SBNO2: variants seen among roughly 807,000 people sequenced by gnomAD.
SBNO2 encodes the protein strawberry notch homolog 2.
A neutral mutation model predicts 146.3 loss-of-function variants in SBNO2; 89 were observed. The ratio of observed to expected loss-of-function variants is 0.61; its 90% CI spans 0.51 to 0.73. SBNO2 has a LOEUF of 0.73. SBNO2 is among the 30% of genes least tolerant of loss of function. SBNO2 has a pLI of 0.00. For missense variants in SBNO2, 2,092 were observed against 2,003.7 expected (o/e 1.04, Z -0.84); for synonymous variants, 1,147 against 892.6 (o/e 1.29, Z -5.08).
intron 2 of SBNO2, among the ~76,000 whole-genome samples, chr19:1,149,816 G>A (rs2145304661): frequency 6.6e-6 from 1 of 152,344 alleles, no homozygotes; most frequent in East Asian, 1.9e-4. Flanking sequence ...ATTCTAGGAG[G>A]TGGAGGATCG....
chr19:1,122,779 G>T lies in SBNO2; in HGVS notation c.793C>A (p.Leu265Met), dbSNP rs1187706512. 5 of 1,537,992 alleles carry T rather than the reference G, an allele frequency of 3.3e-6. No individual in the cohort carries two copies. The highest frequency in any genetic ancestry group is 4.4e-6 in the Non-Finnish European group (5 of 1,146,406). ...CCCGCGCGCTGCCCGCTGGGGAGCA[G>T]GACCTCGTGTTGCTGTTGCCGGAGA... ...ITYACQQHEV[L>M]LPSGQRAGFL... Residue 265 changes from leucine to methionine, a missense_variant, in exon 9 of 32, where the codon CTG becomes ATG. Coordinates refer to ENST00000361757, the MANE Select transcript of SBNO2 (RefSeq NM_014963.3).
intron 4 of SBNO2, among the ~76,000 whole-genome samples, chr19:1,143,258 G>A (rs543448367): frequency 1.4e-3 from 209 of 152,258 alleles, no homozygotes; most frequent in Non-Finnish European, 2.4e-3. Flanking sequence ...CAGGAGAATC[G>A]CTTGAGCCCA....
At chr19:1,125,731 C>T (rs1206620883) in intron 5 of SBNO2, among the ~76,000 whole-genome samples, 2 of 151,464 alleles carry the variant, frequency 1.3e-5, no homozygotes, top group African/African-American at 2.4e-5. Flanking sequence ...CCGCCGGGTG[C>T]GTGGCTCAGG....
chr19:1,113,075 G>C, intron 19 of SBNO2, 126 bp from the exon 20 acceptor site: 1 of 1,178,124 alleles, frequency 8.5e-7, no homozygotes, highest in Non-Finnish European at 1.2e-6. Flanking sequence ...CGGGAGGTGG[G>C]GGTGCTGGGA....
rs1053733352 is a variant in SBNO2 at position 1,158,915 on chromosome 19, C to G, written c.-126-4513G>C. Among the ~76,000 whole-genome samples, 1 of 148,042 alleles carries G rather than the reference C, an allele frequency of 6.8e-6. No homozygotes were observed. The highest frequency in any genetic ancestry group is 2.4e-5 in the African/African-American group (1 of 40,978). ...CCCACAGCCGCGACCCCACCTGCAGCCGTGACCCCACCTGCAGCCGCGACC... is the reference window on the plus strand; with the variant it reads ...CCCACAGCCGCGACCCCACCTGCAGGCGTGACCCCACCTGCAGCCGCGACC... On this transcript the variant is annotated intron_variant, in intron 1 of 31. Transcript: ENST00000361757. This position sits in a 1 kb window ranked among gnomAD's most constrained non-coding sequence, Gnocchi z 9.9.
chr19:1,171,592 C>T (rs1295947997), intron 1 of SBNO2, among the ~76,000 whole-genome samples: 6 of 152,132 alleles, frequency 3.9e-5, no homozygotes, highest in Non-Finnish European at 8.8e-5. Flanking sequence ...CTGGTTCTGT[C>T]GACACAGTCG....
intron 1 of SBNO2, among the ~76,000 whole-genome samples, chr19:1,168,416 C>T (rs1599889257): frequency 1.3e-5 from 2 of 152,270 alleles, no homozygotes; most frequent in Non-Finnish European, 1.5e-5. Flanking sequence ...CGGTAGCTTC[C>T]GGGGCTGGGC....
chr19:1,110,724 C>T lies in SBNO2; in HGVS notation c.3028+21G>A, dbSNP rs1350072518. The T allele has an allele frequency of 6.2e-7, 1 of 1,612,680 alleles. No homozygotes were observed. The highest frequency in any genetic ancestry group is 2.2e-5 in the East Asian group (1 of 44,818). On this transcript the variant is annotated intron_variant, in intron 26 of 31. Transcript: ENST00000361757. This position sits in a 1 kb window ranked among gnomAD's most constrained non-coding sequence, Gnocchi z 4.9. The stretch of plus-strand genomic sequence containing the variant: ...CCCGCACCCACACCCACCCACACCA[C>T]ACCCCGGCACCTGTGCTCACCCAGG...
chr19:1,168,529 C>G (rs1175526213), intron 1 of SBNO2, among the ~76,000 whole-genome samples: 2 of 152,228 alleles, frequency 1.3e-5, no homozygotes, highest in Non-Finnish European at 2.9e-5. Flanking sequence ...CCATGGGTTC[C>G]AGGCACCCTG....
intron 1 of SBNO2, among the ~76,000 whole-genome samples, chr19:1,168,258 G>A (rs550364842): frequency 7.9e-5 from 12 of 152,046 alleles, no homozygotes; most frequent in African/African-American, 1.4e-4. Context: ...CTGGGGGCTC[G>A]CAGCTCCCCC....
intron 1 of SBNO2, among the ~76,000 whole-genome samples, chr19:1,164,100 G>A (rs1388557473): frequency 6.6e-6 from 1 of 152,240 alleles, no homozygotes; most frequent in Non-Finnish European, 1.5e-5. Flanking sequence ...CTCCTGGGAG[G>A]GCTCAAGGGT....
intron 1 of SBNO2, among the ~76,000 whole-genome samples, chr19:1,163,683 G>A (rs547894971): frequency 3.3e-5 from 5 of 152,336 alleles, no homozygotes; most frequent in South Asian, 2.1e-4. Context: ...CCTGCCACGC[G>A]CAGGCACAGG....
In SBNO2 at chr19:1,140,232, G is replaced by A. The variant is rs534863826; in HGVS notation, c.279+7077C>T. Among the ~76,000 whole-genome samples the A allele has an allele frequency of 5.3e-5, 8 of 151,282 alleles. No homozygotes were observed. The highest frequency in any genetic ancestry group is 4.2e-4 in the South Asian group (2 of 4,794). On this transcript the variant is annotated intron_variant, in intron 4 of 31. Coordinates refer to ENST00000361757, the MANE Select transcript of SBNO2 (RefSeq NM_014963.3). This position sits in a 1 kb window ranked among gnomAD's most constrained non-coding sequence, Gnocchi z 4.4. ...GGAGAATGGCATGAACCCAGGAGGC[G>A]TTGGTTGCAGTGAGCCGAGGTCACG... is the stretch of plus-strand genomic sequence containing the variant.
At chr19:1,127,798 T>A (rs1282451916) in intron 4 of SBNO2, 33 bp from the exon 5 acceptor site, 1 of 1,602,966 alleles carries the variant, frequency 6.2e-7, no homozygotes, top group Non-Finnish European at 8.5e-7. Flanking sequence ...GTGAGGGTGG[T>A]ACGGGAGACA....
intron 4 of SBNO2, among the ~76,000 whole-genome samples, chr19:1,145,527 G>C (rs958381776): frequency 6.6e-6 from 1 of 151,516 alleles, no homozygotes; most frequent in African/African-American, 2.4e-5. Flanking sequence ...CACACAGAAA[G>C]AGGCAGAGAA....
At chr19:1,116,448 GGGGGCTGCTGTGACCCTCCC>G (rs2145205881) in intron 16 of SBNO2, among the ~76,000 whole-genome samples, 1 of 152,170 alleles carries the variant, frequency 6.6e-6, no homozygotes, top group African/African-American at 2.4e-5. Flanking sequence ...GGGGATCTAG[GGGGGCTGCTGTGACCCTCCC>G]GGGGCATTCT....
At position 1,154,128 on chromosome 19, in the gene SBNO2, C is replaced by T. The variant is rs113354149; in HGVS notation, c.93+56G>A. ...ACGACGTGACCCCGGGCACTCGGAG[C>T]GGGGCAAGTGCCCGTGGACCCCGTC... On this transcript the variant is annotated intron_variant, in intron 2 of 31. Coordinates refer to ENST00000361757, the MANE Select transcript of SBNO2 (RefSeq NM_014963.3). 2.1e-3 allele frequency: 1,843 copies of T among 873,494 alleles called. 3 individuals are homozygous for T. Among genetic ancestry groups the T allele is most frequent in the Non-Finnish European group, 2.6e-3 (1,720 of 661,904 alleles). 54.1% of individuals were successfully genotyped at this position (873,494 alleles called of 1,614,324 possible).
chr19:1,129,035 G>A (rs570298550), intron 4 of SBNO2, among the ~76,000 whole-genome samples: 1 of 151,828 alleles, frequency 6.6e-6, no homozygotes, highest in Non-Finnish European at 1.5e-5. Context: ...GAGAAGCCAA[G>A]GTGGGCAGAT....
chr19:1,153,700 G>C (rs1379956960), intron 2 of SBNO2, among the ~76,000 whole-genome samples: 14 of 151,778 alleles, frequency 9.2e-5, no homozygotes, highest in Admixed American at 9.2e-4. Context: ...ACCACGCCTG[G>C]CTAAGTTTGG....
Sources: allele counts gnomAD v4.1 joint callset (sites outside exome capture counted in the v4.1 genomes callset), GRCh38; gene constraint gnomAD v4.1.1; non-coding constraint Gnocchi (gnomAD v3.1); transcripts MANE v1.5; gene names NCBI Gene and HGNC (gene_info 2026-07-23, HGNC 2026-07-21).